The following NECAB2 variants were observed in gnomAD, a reference collection of about 807,000 sequenced individuals.
NECAB2 encodes N-terminal EF-hand calcium binding protein 2, also known as N-terminal EF-hand calcium-binding protein 2.
A neutral mutation model predicts 51.9 loss-of-function variants in NECAB2; 68 were observed. That is an observed-to-expected ratio of 1.31 (90% CI 1.08 to 1.60). NECAB2 has a LOEUF of 1.60. NECAB2 is among the 40% of genes most tolerant of loss of function. The pLI, the probability that NECAB2 is intolerant of heterozygous loss-of-function variation, is 0.00. For synonymous variants in NECAB2, 329 were observed against 203.5 expected (o/e 1.62, Z -5.25); for missense variants, 854 against 490.3 (o/e 1.74, Z -7.00).
intron 1 of NECAB2, among the ~76,000 whole-genome samples, chr16:83,970,592 C>G (rs192203085): frequency 2.3e-3 from 351 of 152,276 alleles, no homozygotes; most frequent in African/African-American, 8.1e-3. Context: ...GTCCTTTACC[C>G]CAAGGCGAGG....
intron 6 of NECAB2, chr16:83,993,502 T>G (rs2084652325): frequency 6.5e-6 from 1 of 153,246 alleles, no homozygotes; most frequent in South Asian, 2.1e-4. Flanking sequence ...TCTGGGGGAG[T>G]GTCTGTGTTT....
At chr16:83,972,644 G>C (rs975350857) in intron 2 of NECAB2, among the ~76,000 whole-genome samples, 6 of 152,338 alleles carry the variant, frequency 3.9e-5, no homozygotes, top group Admixed American at 1.3e-4. Flanking sequence ...GCAGCCCAGA[G>C]AGGTTAAGCA....
chr16:84,002,015 C>CTGTGGGCCCACTGTCAGCTCCT, intron 12 of NECAB2, 99 bp downstream of exon 12: 1 of 1,352,948 alleles, frequency 7.4e-7, no homozygotes, highest in Non-Finnish European at 1.0e-6. Flanking sequence ...TGCCTGCTTG[C>CTGTGGGCCCACTGTCAGCTCCT]TGTGGGCCCA....
At chr16:83,990,433 C>G (rs1025596019) in intron 5 of NECAB2, 61 bp from the exon 6 acceptor site, 32 of 1,593,054 alleles carry the variant, frequency 2.0e-5, no homozygotes, top group Non-Finnish European at 2.4e-5. Context: ...CTGTGCTAGA[C>G]CCCACCTCCA....
upstream of NECAB2, among the ~76,000 whole-genome samples, chr16:83,968,162 G>A (rs1483661657): frequency 6.6e-6 from 1 of 151,530 alleles, no homozygotes; most frequent in African/African-American, 2.4e-5. Context: ...GGGCGTGACG[G>A]GGCCGCGGGG....
chr16:83,996,386 C>G (rs1220040124), intron 8 of NECAB2, among the ~76,000 whole-genome samples: 1 of 152,150 alleles, frequency 6.6e-6, no homozygotes, highest in Non-Finnish European at 1.5e-5. Context: ...GTGCAAGGTC[C>G]CTTGCTCAAA....
intron 2 of NECAB2, among the ~76,000 whole-genome samples, chr16:83,973,749 A>G (rs567547736): frequency 1.1e-3 from 173 of 150,838 alleles, no homozygotes; most frequent in Non-Finnish European, 1.9e-3. Flanking sequence ...TCCTCGGTAA[A>G]TGTCTGTAGA....
chr16:83,966,524 G>A (rs2084282393), upstream of NECAB2, among the ~76,000 whole-genome samples: 1 of 152,086 alleles, frequency 6.6e-6, no homozygotes, highest in South Asian at 2.1e-4. Context: ...GCGGGCAGCT[G>A]TACTAGAGTC....
At position 84,001,838 on chromosome 16, in the gene NECAB2, C is replaced by T; in HGVS notation, c.1054C>T (p.Pro352Ser). ...EEAWKRHLQS[P>S]LCKAFRHVKV... Reference sequence around the variant, plus strand: ...CCTGCGTCACAGGCACCTGCAGAGCCCCCTGTGTAAGGCGTTCCGGCACGT... The same window carrying T: ...CCTGCGTCACAGGCACCTGCAGAGCTCCCTGTGTAAGGCGTTCCGGCACGT... The change falls in exon 12 of 13, where the codon CCC becomes TCC. Residue 352 changes from proline (P) to serine (S), a missense_variant. Coordinates refer to ENST00000305202, the MANE Select transcript of NECAB2 (RefSeq NM_019065.3). The T allele has an allele frequency of 3.7e-6, 6 of 1,614,120 alleles. No homozygotes were observed. Among genetic ancestry groups the T allele is most frequent in the Non-Finnish European group, 5.1e-6 (6 of 1,179,968 alleles).
At chr16:83,987,196 A>T (rs1021920211) in intron 5 of NECAB2, among the ~76,000 whole-genome samples, 1 of 152,154 alleles carries the variant, frequency 6.6e-6, no homozygotes, top group African/African-American at 2.4e-5. Flanking sequence ...TTAGAAAAAC[A>T]AGAAACCCAA....
chr16:83,965,250 T>C, upstream of NECAB2: 1 of 1,611,722 alleles, frequency 6.2e-7, no homozygotes, highest in African/African-American at 1.3e-5. Context: ...AGCGGCTTCC[T>C]GACCAGGAAC....
At chr16:83,989,836 C>A (rs1007957484) in intron 5 of NECAB2, among the ~76,000 whole-genome samples, 12 of 151,866 alleles carry the variant, frequency 7.9e-5, no homozygotes, top group African/African-American at 2.9e-4. Flanking sequence ...TTCGTCTTTT[C>A]CCCAGAGTTC....
chr16:84,000,923 G>A (rs1010631525), intron 11 of NECAB2, 122 bp downstream of exon 11: 1 of 921,590 alleles, frequency 1.1e-6, no homozygotes, highest in Non-Finnish European at 1.7e-6. Context: ...GATTCCCGAG[G>A]CATCTACCCG....
At chr16:83,965,466 C>A (rs1478133440), upstream of NECAB2, 1 of 1,603,084 alleles carries the variant, frequency 6.2e-7, no homozygotes, top group Non-Finnish European at 8.5e-7. Context: ...CTGTCAGCGG[C>A]CGACGCGGTC....
intron 12 of NECAB2, 69 bp from the exon 13 acceptor site, chr16:84,002,249 C>T (rs114579381): frequency 2.1e-4 from 329 of 1,565,980 alleles, no homozygotes; most frequent in Middle Eastern, 5.4e-4. Flanking sequence ...TCATTCAAGA[C>T]GACCACCACC....
chr16:83,990,709 T>C, intron 6 of NECAB2, 79 bp downstream of exon 6: 4 of 1,567,130 alleles, frequency 2.6e-6, no homozygotes, highest in Non-Finnish European at 3.5e-6. Context: ...TTGGTGGGGA[T>C]GTCTGTGTAC....
intron 1 of NECAB2, among the ~76,000 whole-genome samples, chr16:83,971,051 G>A (rs879484265): frequency 3.6e-4 from 54 of 151,438 alleles, no homozygotes; most frequent in Non-Finnish European, 7.1e-4. Flanking sequence ...CCAAGATCGC[G>A]CCACTGCACT....
intron 10 of NECAB2, among the ~76,000 whole-genome samples, chr16:84,000,397 G>T (rs75920854): frequency 6.6e-6 from 1 of 151,836 alleles, no homozygotes; most frequent in African/African-American, 2.4e-5. Flanking sequence ...GCCGAGTGGT[G>T]CACTCCTCTA....
intron 11 of NECAB2, 79 bp downstream of exon 11, chr16:84,000,880 T>TGGAGG (rs2084817669): frequency 7.0e-7 from 1 of 1,434,058 alleles, no homozygotes; most frequent in African/African-American, 1.4e-5. Flanking sequence ...CAGGCATCCT[T>TGGAGG]GGAGGGGAGG....
Sources: allele counts gnomAD v4.1 joint callset (sites outside exome capture counted in the v4.1 genomes callset), GRCh38; gene constraint gnomAD v4.1.1; transcripts MANE v1.5; gene names NCBI Gene and HGNC (gene_info 2026-07-23, HGNC 2026-07-21).